NIPAL2: variants seen among roughly 807,000 people sequenced by gnomAD.
NIPAL2 encodes the protein NIPA like domain containing 2.
Under a neutral mutation model 48.9 loss-of-function variants are expected in NIPAL2, and 43 were observed. The ratio of observed to expected loss-of-function variants is 0.88; its 90% CI spans 0.69 to 1.13. The LOEUF is 1.13. Among genes scored for constraint, NIPAL2 ranks in the 50% most tolerant of loss-of-function variants. NIPAL2 has a pLI of 0.00. For missense variants in NIPAL2, 446 were observed against 461.4 expected, an observed-to-expected ratio of 0.97 and a Z score of 0.31; for synonymous variants, 167 against 174.6, an observed-to-expected ratio of 0.96 and a Z score of 0.34.
At chr8:98,251,886 C>T (rs772116588) in intron 3 of NIPAL2, 2 of 152,018 alleles carry the variant, frequency 1.3e-5, no homozygotes, top group Non-Finnish European at 2.9e-5. Context: ...ATTTGTTCTC[C>T]TTTTTAGCAA....
At chr8:98,251,437 A>T (rs897259377) in intron 3 of NIPAL2, among the ~76,000 whole-genome samples, 1 of 152,324 alleles carries the variant, frequency 6.6e-6, no homozygotes, top group Non-Finnish European at 1.5e-5. Context: ...GAATGTTAAA[A>T]ACAGTAAATG....
intron 1 of NIPAL2, among the ~76,000 whole-genome samples, chr8:98,271,544 G>A (rs552791854): frequency 1.3e-5 from 2 of 151,922 alleles, no homozygotes; most frequent in African/African-American, 2.4e-5. Flanking sequence ...TGTGAATTTT[G>A]TATCTGGAAA....
At chr8:98,274,540 G>A (rs1464920459) in intron 1 of NIPAL2, among the ~76,000 whole-genome samples, 3 of 151,838 alleles carry the variant, frequency 2.0e-5, no homozygotes. Context: ...CCTTTTATCA[G>A]TATGACTCTT....
chr8:98,227,732 C>T (rs1447071162), intron 4 of NIPAL2, among the ~76,000 whole-genome samples: 2 of 152,216 alleles, frequency 1.3e-5, no homozygotes, highest in Non-Finnish European at 1.5e-5. Flanking sequence ...GGAGGAGTGG[C>T]GCCTGCACTC....
chr8:98,219,957 G>A (rs1405143603), intron 5 of NIPAL2, among the ~76,000 whole-genome samples: 3 of 152,150 alleles, frequency 2.0e-5, no homozygotes, highest in African/African-American at 4.8e-5. Context: ...GGGCCAGCAA[G>A]AGTAGACTAT....
At chr8:98,220,964 C>CTTTTTTTTT (rs557824737) in intron 5 of NIPAL2, among the ~76,000 whole-genome samples, 55 of 68,670 alleles carry the variant, frequency 8.0e-4, no homozygotes, top group Middle Eastern at 0.012. Flanking sequence ...TCATTTCATT[C>CTTTTTTTTT]TTTTTTTTTT....
At chr8:98,194,656 A>G in intron 10 of NIPAL2, 72 bp downstream of exon 10, 1 of 775,638 alleles carries the variant, frequency 1.3e-6, no homozygotes, top group Non-Finnish European at 2.0e-6. Context: ...TTAACTTACC[A>G]CCCAAAATAA....
rs1451025551 is a variant in NIPAL2, at chr8:98,269,887, C to T, written c.136-15800G>A. Reference sequence around the variant, plus strand: ...TGTCTATTGTTCCCAACTATATGTCCATGTATACACAAGATTTTAGCTTCC... The same window carrying T: ...TGTCTATTGTTCCCAACTATATGTCTATGTATACACAAGATTTTAGCTTCC... On this transcript the variant is annotated intron_variant, in intron 1 of 10. Transcript: ENST00000430223. Among the ~76,000 whole-genome samples, 3 of 152,086 alleles carry T rather than the reference C, an allele frequency of 2.0e-5. No homozygotes were observed. The East Asian group carries it at 5.8e-4, about 29-fold the overall frequency.
At chr8:98,255,973 G>A (rs561977023) in intron 1 of NIPAL2, among the ~76,000 whole-genome samples, 1 of 151,970 alleles carries the variant, frequency 6.6e-6, no homozygotes, top group South Asian at 2.1e-4. Flanking sequence ...CCAAAGCATA[G>A]GCATTGAAAA....
chr8:98,225,768 A>G (rs1341106064), intron 4 of NIPAL2, among the ~76,000 whole-genome samples: 17 of 152,118 alleles, frequency 1.1e-4, no homozygotes, highest in Non-Finnish European at 2.5e-4. Flanking sequence ...AGGTTTGAGA[A>G]GTTCTCTGTT....
intron 4 of NIPAL2, among the ~76,000 whole-genome samples, chr8:98,234,108 G>A (rs776234243): frequency 2.0e-5 from 3 of 152,170 alleles, no homozygotes; most frequent in African/African-American, 7.2e-5. Context: ...GTGGGTAAAG[G>A]TCAGGAGGGA....
intron 1 of NIPAL2, among the ~76,000 whole-genome samples, chr8:98,268,219 T>C (rs2130871022): frequency 6.6e-6 from 1 of 152,330 alleles, no homozygotes; most frequent in South Asian, 2.1e-4. Context: ...CCCTATACTA[T>C]TTCTCCTTGA....
chr8:98,221,326 C>T (rs1033400291), intron 5 of NIPAL2, among the ~76,000 whole-genome samples: 2 of 151,032 alleles, frequency 1.3e-5, no homozygotes, highest in African/African-American at 2.4e-5. Flanking sequence ...GTTGTGTGCT[C>T]CTCTCAGACA....
intron 3 of NIPAL2, among the ~76,000 whole-genome samples, chr8:98,249,486 A>G (rs111917122): frequency 2.0e-5 from 3 of 151,714 alleles, no homozygotes; most frequent in Non-Finnish European, 2.9e-5. Flanking sequence ...GACATATGTC[A>G]TATATGACAT....
chr8:98,260,397 G>T (rs1341757594), intron 1 of NIPAL2, among the ~76,000 whole-genome samples: 1 of 152,244 alleles, frequency 6.6e-6, no homozygotes, highest in Non-Finnish European at 1.5e-5. Flanking sequence ...GTGCCAGACA[G>T]TGGGCGCAGC....
intron 5 of NIPAL2, among the ~76,000 whole-genome samples, chr8:98,215,926 TA>T (rs1338732369): frequency 2.6e-5 from 4 of 152,222 alleles, no homozygotes; most frequent in African/African-American, 9.7e-5. Flanking sequence ...TGCATCAACC[TA>T]ATACAAAGAG....
intron 1 of NIPAL2, among the ~76,000 whole-genome samples, chr8:98,276,994 T>A (rs1020302758): frequency 6.6e-6 from 1 of 151,670 alleles, no homozygotes; most frequent in Non-Finnish European, 1.5e-5. Context: ...GGTCTTGAAC[T>A]CCTGACCTGA....
In NIPAL2 at chr8:98,293,991, G is replaced by T; in HGVS notation, c.135+12C>A. ...CCCCACCGGGCTGCGGTGGCTGCGG[G>T]GCGGCCCTTACCTGGTTCCTGCGGT... On this transcript the variant is annotated intron_variant, in intron 1 of 10. Transcript: ENST00000430223. The T allele has an allele frequency of 6.8e-7, 1 of 1,462,822 alleles. No homozygotes were observed. The highest frequency in any genetic ancestry group is 1.3e-5 in the South Asian group (1 of 74,830). 90.6% of individuals were successfully genotyped at this position (1,462,822 alleles called of 1,614,324 possible).
chr8:98,279,603 C>G (rs1448805080), intron 1 of NIPAL2, among the ~76,000 whole-genome samples: 2 of 152,198 alleles, frequency 1.3e-5, no homozygotes, highest in African/African-American at 2.4e-5. Flanking sequence ...AGCTAGATAG[C>G]AGCCAAATTT....
Sources: gnomAD v4.1 joint callset for allele counts (sites outside exome capture counted in the v4.1 genomes callset) on GRCh38, gnomAD v4.1.1 for gene constraint, MANE v1.5 for transcripts, NCBI Gene and HGNC (gene_info 2026-07-23, HGNC 2026-07-21) for gene names.